The following GIT1 variants were observed in gnomAD, a reference collection of about 807,000 sequenced individuals.
GIT1 encodes ARF GTPase-activating protein GIT1.
GIT1 carries 14 observed loss-of-function variants against 91.7 expected under a neutral mutation model. That is an observed-to-expected ratio of 0.15 (90% CI 0.10 to 0.24). The LOEUF is 0.24. Ranked by LOEUF, GIT1 falls within the 10% of genes least tolerant of loss-of-function variation. The pLI is 1.00. For synonymous variants in GIT1, 414 were observed against 418.2 expected, an observed-to-expected ratio of 0.99 and a Z score of 0.12; for missense variants, 717 against 1,024.9, an observed-to-expected ratio of 0.70 and a Z score of 4.10.
chr17:29,577,027 A>G (rs1471506171), intron 11 of GIT1, 31 bp from the exon 12 acceptor site: 1 of 1,605,468 alleles, frequency 6.2e-7, no homozygotes, highest in East Asian at 2.2e-5. Flanking sequence ...CTCAGGCCAC[A>G]CTCCACCACA....
Position 29,577,264 on chromosome 17 carries a change from G to A in GIT1, c.982-17C>T. The A allele has an allele frequency of 6.2e-7, 1 of 1,606,604 alleles. No homozygotes were observed. The highest frequency in any genetic ancestry group is 1.1e-5 in the South Asian group (1 of 90,926). On this transcript the variant is annotated splice_polypyrimidine_tract_variant and intron_variant, in intron 10 of 19. Transcript: ENST00000225394. ...TTGTCGCCCCTGCAAGGCAGAAAGG[G>A]CCAGGCTGGCTTCAGGGGACCCCTT...
Position 29,581,174 on chromosome 17 carries a change from C to A in GIT1, c.761+164G>T. The A allele has an allele frequency of 3.1e-6, 2 of 644,554 alleles. No individual in the cohort carries two copies. Among genetic ancestry groups the A allele is most frequent in the South Asian group, 3.4e-5 (2 of 58,468 alleles). The allele number at this position is 644,554 out of a possible 1,614,324, so 39.9% of individuals were successfully genotyped here. A position where few individuals can be genotyped will look rare whatever the true frequency, so the allele number is the denominator to read the frequency against. ...ATATGGAGCTGACATTTTTTACCTG[C>A]CTTGGGGCCCAGCATTAGGGACTGA... is the stretch of plus-strand genomic sequence containing the variant. On this transcript the variant is annotated intron_variant, in intron 7 of 19. Transcript: ENST00000225394. This position sits in a 1 kb window ranked among gnomAD's most constrained non-coding sequence, Gnocchi z 4.8.
rs780439070 is a variant in GIT1 at position 29,574,608 on chromosome 17, G to A, written c.*94C>T. On this transcript the variant is annotated 3_prime_UTR_variant, in exon 20 of 20. Coordinates refer to ENST00000225394, the MANE Select transcript of GIT1 (RefSeq NM_014030.4). ...GGCAGCACTAAGGGCACTTGTGCCAGTGGCTCTGTTGGGGTGGGGATTAAT... is the reference window on the plus strand; with the variant it reads ...GGCAGCACTAAGGGCACTTGTGCCAATGGCTCTGTTGGGGTGGGGATTAAT... The A allele has an allele frequency of 1.9e-6, 2 of 1,070,062 alleles. No homozygotes were observed. The highest frequency in any genetic ancestry group is 2.9e-6 in the Non-Finnish European group (2 of 696,556). The allele number at this position is 1,070,062 out of a possible 1,614,324, so 66.3% of individuals were successfully genotyped here. A position where few individuals can be genotyped will look rare whatever the true frequency, so the allele number is the denominator to read the frequency against.
In GIT1 at chr17:29,575,492, CAG is replaced by C; in HGVS notation, c.1827-24_1827-23del. ...CAGCCTGAGGCCCAGGTCCAGAAAACAGAGACAAAGATACATATAGAGAAAGA... is the reference window on the plus strand; with the variant it reads ...CAGCCTGAGGCCCAGGTCCAGAAAACAGACAAAGATACATATAGAGAAAGA... On this transcript the variant is annotated intron_variant, in intron 17 of 19. Transcript: ENST00000225394. The surrounding 1 kb of genome is among the most constrained non-coding windows in gnomAD (Gnocchi z 5.5). The C allele has an allele frequency of 2.5e-6, 4 of 1,592,648 alleles. No homozygotes were observed. The South Asian group carries it at 3.4e-5, about 13-fold the overall frequency.
Position 29,581,039 on chromosome 17 carries a change from A to G in GIT1, c.761+299T>C. 1 of 400,008 alleles carries G rather than the reference A, an allele frequency of 2.5e-6. No homozygotes were observed. The highest frequency in any genetic ancestry group is 4.7e-6 in the Non-Finnish European group (1 of 214,082). The allele number at this position is 400,008 out of a possible 1,614,324, so 24.8% of individuals were successfully genotyped here. ...GGTGATCCGCCCGCCTCGGCCTCCC[A>G]AAGTGCTGGGATTACAGGCGTGAGC... On this transcript the variant is annotated intron_variant, in intron 7 of 19. Transcript: ENST00000225394. The surrounding 1 kb of genome is among the most constrained non-coding windows in gnomAD (Gnocchi z 4.8).
chr17:29,577,774 C>T (rs186874578), intron 9 of GIT1, 32 bp from the exon 10 acceptor site: 50 of 1,372,760 alleles, frequency 3.6e-5, no homozygotes, highest in Admixed American at 1.8e-4. Context: ...AGATCAGCCA[C>T]GGTGGCCAGG....
chr17:29,581,485 G>C lies in GIT1; in HGVS notation c.719-105C>G, dbSNP rs533416331. 4.3e-6 allele frequency: 4 copies of C among 938,160 alleles called. No individual in the cohort carries two copies. The East Asian group carries it at 7.3e-5, about 17-fold the overall frequency. The allele number at this position is 938,160 out of a possible 1,614,324, so 58.1% of individuals were successfully genotyped here. A position where few individuals can be genotyped will look rare whatever the true frequency, so the allele number is the denominator to read the frequency against. The stretch of plus-strand genomic sequence containing the variant: ...GCAGGGCTGGCACCCAGAAGTGTCA[G>C]GGGAAAGTGGGGAGGGCAGGCCACC... On this transcript the variant is annotated intron_variant, in intron 6 of 19. Transcript: ENST00000225394. The surrounding 1 kb of genome is among the most constrained non-coding windows in gnomAD (Gnocchi z 4.8).
chr17:29,581,700 G>T lies in GIT1; in HGVS notation c.718+42C>A. On this transcript the variant is annotated intron_variant, in intron 6 of 19. Coordinates refer to ENST00000225394, the MANE Select transcript of GIT1 (RefSeq NM_014030.4). The surrounding 1 kb of genome is among the most constrained non-coding windows in gnomAD (Gnocchi z 4.8). ...TCCAGGTCCCACCTGCCCAGCCCCA[G>T]CCAGGCCTGTCACAGCCAGGCGCCC... 1 of 1,516,746 alleles carries T rather than the reference G, an allele frequency of 6.6e-7. No homozygotes were observed. The highest frequency in any genetic ancestry group is 9.1e-7 in the Non-Finnish European group (1 of 1,101,354). The allele number at this position is 1,516,746 out of a possible 1,614,324, so 94.0% of individuals were successfully genotyped here.
In GIT1 at chr17:29,575,089, AG is replaced by A. The variant is rs1295834070; in HGVS notation, c.2062del (p.Leu688SerfsTer46). The A allele has an allele frequency of 6.3e-7, 1 of 1,597,552 alleles. No homozygotes were observed. Among genetic ancestry groups the A allele is most frequent in the Non-Finnish European group, 8.6e-7 (1 of 1,168,078 alleles). On this transcript the variant is annotated frameshift_variant, in exon 19 of 20. Coordinates refer to ENST00000225394, the MANE Select transcript of GIT1 (RefSeq NM_014030.4). LOFTEE classifies it high-confidence loss of function. The surrounding 1 kb of genome is among the most constrained non-coding windows in gnomAD (Gnocchi z 5.5). ...IHLAVTEMAS[L>X]FPKRPALEPV... ...CTTTGGCCCCTGTACCTTTGGGAAG[AG>A]GGAGGCCATCTCGGTCACAGCCAAA...
At chr17:29,583,330 A>T (rs575579259) in intron 2 of GIT1, among the ~76,000 whole-genome samples, 153 bp downstream of exon 2, 1 of 152,228 alleles carries the variant, frequency 6.6e-6, no homozygotes, top group East Asian at 1.9e-4. Context: ...AGATGGGAGG[A>T]AAGGGTCAGG....
chr17:29,585,306 A>AG lies in GIT1; in HGVS notation c.53-1691dup, dbSNP rs552046666. ...CCAGGCAGGAAGCCGGAAATGATGC[A>AG]GCCCAAATTCCTCTTGGTGGGGTTT... On this transcript the variant is annotated intron_variant, in intron 1 of 19. Transcript: ENST00000225394. Among the ~76,000 whole-genome samples, 48 of 152,260 alleles carry AG rather than the reference A, an allele frequency of 3.2e-4. No individual in the cohort carries two copies. The South Asian group carries it at 9.2e-3, about 29-fold the overall frequency.
Position 29,589,245 on chromosome 17 carries a change from G to A in GIT1, c.52+82C>T, listed in dbSNP as rs1382603168. On this transcript the variant is annotated intron_variant, in intron 1 of 19. Transcript: ENST00000225394. The surrounding 1 kb of genome is among the most constrained non-coding windows in gnomAD (Gnocchi z 5.2). ...CCGCCCCGCCCAGCCCTCCGGCCCC[G>A]CACAGCGCTCTTGCCAGGCCCCGGC... is the stretch of plus-strand genomic sequence containing the variant. 4 of 217,402 alleles carry A rather than the reference G, an allele frequency of 1.8e-5. No homozygotes were observed. Among genetic ancestry groups the A allele is most frequent in the Non-Finnish European group, 3.1e-5 (4 of 130,918 alleles). The allele number at this position is 217,402 out of a possible 1,614,324, so 13.5% of individuals were successfully genotyped here. A position where few individuals can be genotyped will look rare whatever the true frequency, so the allele number is the denominator to read the frequency against.
Position 29,581,502 on chromosome 17 carries a change from C to A in GIT1, c.719-122G>T. 2 of 826,386 alleles carry A rather than the reference C, an allele frequency of 2.4e-6. No homozygotes were observed. Among genetic ancestry groups the A allele is most frequent in the Non-Finnish European group, 2.1e-6 (1 of 485,114 alleles). 51.2% of individuals were successfully genotyped at this position (826,386 alleles called of 1,614,324 possible). On this transcript the variant is annotated intron_variant, in intron 6 of 19. Transcript: ENST00000225394. This position sits in a 1 kb window ranked among gnomAD's most constrained non-coding sequence, Gnocchi z 4.8. Reference sequence around the variant, plus strand: ...AAGTGTCAGGGGAAAGTGGGGAGGGCAGGCCACCCCCAAGAATGCTGGGAG... The same window carrying A: ...AAGTGTCAGGGGAAAGTGGGGAGGGAAGGCCACCCCCAAGAATGCTGGGAG...
In GIT1 at chr17:29,576,387, G is replaced by C; in HGVS notation, c.1444C>G (p.Pro482Ala). The C allele has an allele frequency of 1.9e-6, 3 of 1,613,456 alleles. No homozygotes were observed. Among genetic ancestry groups the C allele is most frequent in the Non-Finnish European group, 2.5e-6 (3 of 1,179,966 alleles). ...TGTTCCGCCCGTTCACTGGGGAGTG[G>C]AGGTGTGGGCACCGGCCCTGGAGGC... ...RQPPGPVPTP[P>A]LPSERAEHTP... The change falls in exon 14 of 20, where the codon CCA becomes GCA. Residue 482 changes from proline to alanine, a missense_variant. By Grantham distance (27) the Pro-to-Ala change is conservative. Coordinates refer to ENST00000225394, the MANE Select transcript of GIT1 (RefSeq NM_014030.4).
intron 7 of GIT1, among the ~76,000 whole-genome samples, chr17:29,580,089 C>G (rs1400870582): frequency 6.6e-6 from 1 of 152,140 alleles, no homozygotes; most frequent in Non-Finnish European, 1.5e-5. Flanking sequence ...TTGCTGCACT[C>G]CCCCATGAGG....
Position 29,581,890 on chromosome 17 carries a change from C to A in GIT1, c.623+37G>T, listed in dbSNP as rs2033409297. The stretch of plus-strand genomic sequence containing the variant: ...GCAGCAGCAGCCCTCACCCACACCC[C>A]CACCCACCCACACTGCACCCTTCAG... On this transcript the variant is annotated intron_variant, in intron 5 of 19. Coordinates refer to ENST00000225394, the MANE Select transcript of GIT1 (RefSeq NM_014030.4). This position sits in a 1 kb window ranked among gnomAD's most constrained non-coding sequence, Gnocchi z 4.8. The A allele has an allele frequency of 1.2e-6, 2 of 1,602,464 alleles. No homozygotes were observed. Among genetic ancestry groups the A allele is most frequent in the Non-Finnish European group, 1.7e-6 (2 of 1,170,980 alleles).
In GIT1 at chr17:29,589,257, T is replaced by A. The variant is rs2033720682; in HGVS notation, c.52+70A>T. 1.7e-6 allele frequency: 1 copy of A among 587,080 alleles called. No homozygotes were observed. The highest frequency in any genetic ancestry group is 6.3e-5 in the Admixed American group (1 of 15,952). 36.4% of individuals were successfully genotyped at this position (587,080 alleles called of 1,614,324 possible). On this transcript the variant is annotated intron_variant, in intron 1 of 19. Coordinates refer to ENST00000225394, the MANE Select transcript of GIT1 (RefSeq NM_014030.4). This position sits in a 1 kb window ranked among gnomAD's most constrained non-coding sequence, Gnocchi z 5.2. ...GCCCTCCGGCCCCGCACAGCGCTCT[T>A]GCCAGGCCCCGGCGCCCGCCCGGCG...
Position 29,578,364 on chromosome 17 carries a change from T to C in GIT1, c.818A>G (p.Asn273Ser). The C allele has an allele frequency of 6.2e-7, 1 of 1,614,130 alleles. No homozygotes were observed. The highest frequency in any genetic ancestry group is 8.5e-7 in the Non-Finnish European group (1 of 1,179,968). The change falls in exon 9 of 20, where the codon AAC (asparagine) becomes AGC (serine). Residue 273 changes from asparagine (N) to serine (S), a missense_variant. Physicochemically the swap from Asn to Ser is conservative, Grantham distance 46 (BLOSUM62 1). This residue lies in a region of GIT1 where 271 missense variants were observed against 451.6 expected (regional missense o/e 0.60). Transcript: ENST00000225394. ...AAKKKLQALS[N>S]RLFEELAMDV... ...CATGGCGAGTTCCTCAAAAAGCCGGTTGCTGAGCTGGAGGAAGAGAGGGGC... is the reference window on the plus strand; with the variant it reads ...CATGGCGAGTTCCTCAAAAAGCCGGCTGCTGAGCTGGAGGAAGAGAGGGGC...
intron 19 of GIT1, 21 bp from the exon 20 acceptor site, chr17:29,574,935 G>T: frequency 6.5e-7 from 1 of 1,538,878 alleles, no homozygotes; most frequent in Non-Finnish European, 8.8e-7. Flanking sequence ...CAGGAGTGAG[G>T]CTGGACCTTG....
Sources: allele counts gnomAD v4.1 joint callset (sites outside exome capture counted in the v4.1 genomes callset), GRCh38; gene constraint gnomAD v4.1.1; regional missense constraint gnomAD v4.1.1; non-coding constraint Gnocchi (gnomAD v3.1); transcripts MANE v1.5; gene names NCBI Gene and HGNC (gene_info 2026-07-23, HGNC 2026-07-21).